The following BCAS3 variants were observed in gnomAD, a reference collection of about 807,000 sequenced individuals.
The protein encoded by BCAS3 is BCAS4/BCAS3 fusion.
Under a neutral mutation model 116.1 loss-of-function variants are expected in BCAS3, and 53 were observed. That is an observed-to-expected ratio of 0.46 (90% CI 0.37 to 0.57). The LOEUF (loss-of-function observed/expected upper bound fraction) is 0.57, where lower values mean the gene tolerates loss of function less well. Among genes scored for constraint, BCAS3 ranks in the 20% least tolerant of loss-of-function variants. The probability of loss-of-function intolerance (pLI) is 0.00; values close to 1 mark genes in which losing one functional copy is unlikely to be tolerated. For missense variants in BCAS3, 917 were observed against 1,165.4 expected, an observed-to-expected ratio of 0.79 and a Z score of 3.10; for synonymous variants, 391 against 408.2, an observed-to-expected ratio of 0.96 and a Z score of 0.51.
chr17:61,386,451 G>A, intron 23 of BCAS3, among the ~76,000 whole-genome samples: 1 of 152,232 alleles, frequency 6.6e-6, no homozygotes, highest in Non-Finnish European at 1.5e-5. Context: ...GTGGAGAAAT[G>A]CAGCCAGGGC....
intron 12 of BCAS3, among the ~76,000 whole-genome samples, chr17:60,918,544 G>C (rs1195382186): frequency 6.6e-6 from 1 of 151,994 alleles, no homozygotes; most frequent in African/African-American, 2.4e-5. Flanking sequence ...CCTTTGATCT[G>C]AGTGTACATT....
In BCAS3 at chr17:61,244,455, CAACAAA is replaced by C. The variant is rs1240799388; in HGVS notation, c.2426-123869_2426-123864del. 4.6e-5 allele frequency among the ~76,000 whole-genome samples: 7 copies of C among 152,008 alleles called. No homozygotes were observed. Among genetic ancestry groups the C allele is most frequent in the East Asian group, 1.9e-4 (1 of 5,182 alleles). ...GTTTGGAAACAGGGTGACTAGAAGTCAACAAAAATATGTGTTACAAAAGAATAACAA... is the reference window on the plus strand; with the variant it reads ...GTTTGGAAACAGGGTGACTAGAAGTCAATATGTGTTACAAAAGAATAACAA... On this transcript the variant is annotated intron_variant, in intron 22 of 23. Coordinates refer to ENST00000407086, the MANE Select transcript of BCAS3 (RefSeq NM_017679.5). The surrounding 1 kb of genome is among the most constrained non-coding windows in gnomAD (Gnocchi z 4.9).
intron 7 of BCAS3, among the ~76,000 whole-genome samples, chr17:60,829,188 GATGTA>G (rs1466219870): frequency 3.9e-5 from 6 of 152,124 alleles, no homozygotes; most frequent in African/African-American, 7.2e-5. Context: ...ATAGTATGAT[GATGTA>G]ATGTATAACA....
chr17:60,769,687 G>T (rs2044465117), intron 6 of BCAS3, among the ~76,000 whole-genome samples: 1 of 152,222 alleles, frequency 6.6e-6, no homozygotes, highest in Admixed American at 6.5e-5. Context: ...TCCTTGGCGT[G>T]TGTGAAGGTG....
rs1239569774 is a variant in BCAS3, at chr17:61,180,948, T to A, written c.2425+96384T>A. Among the ~76,000 whole-genome samples, 1 of 152,178 alleles carries A rather than the reference T, an allele frequency of 6.6e-6. No individual in the cohort carries two copies. The highest frequency in any genetic ancestry group is 1.5e-5 in the Non-Finnish European group (1 of 68,030). On this transcript the variant is annotated intron_variant, in intron 22 of 23. Transcript: ENST00000407086. The surrounding 1 kb of genome is among the most constrained non-coding windows in gnomAD (Gnocchi z 6.0). The stretch of plus-strand genomic sequence containing the variant: ...AAAAAGGATCTAAGGTCAGGCACGA[T>A]GGCTCACACCTGTAATCTTAGCACT...
Position 61,088,690 on chromosome 17 carries a change from A to G in BCAS3, c.2425+4126A>G, listed in dbSNP as rs2073283233. ...TGAGTCATCAAATCAAAGAGCCTAG[A>G]AAGATCTGGTTCACCCCTGAGTTTG... is the stretch of plus-strand genomic sequence containing the variant. On this transcript the variant is annotated intron_variant, in intron 22 of 23. Transcript: ENST00000407086. The surrounding 1 kb of genome is among the most constrained non-coding windows in gnomAD (Gnocchi z 4.2). Among the ~76,000 whole-genome samples, 1 of 152,242 alleles carries G rather than the reference A, an allele frequency of 6.6e-6. No homozygotes were observed.
At position 61,136,312 on chromosome 17, in the gene BCAS3, C is replaced by T. The variant is rs1433916995; in HGVS notation, c.2425+51748C>T. On this transcript the variant is annotated intron_variant, in intron 22 of 23. Coordinates refer to ENST00000407086, the MANE Select transcript of BCAS3 (RefSeq NM_017679.5). This position sits in a 1 kb window ranked among gnomAD's most constrained non-coding sequence, Gnocchi z 4.4. Reference sequence around the variant, plus strand: ...CATAGCTTTGTTTCCACCTTGCATTCACCCACTAGACAGTAAGCTTTTTCA... The same window carrying T: ...CATAGCTTTGTTTCCACCTTGCATTTACCCACTAGACAGTAAGCTTTTTCA... 6.6e-6 allele frequency among the ~76,000 whole-genome samples: 1 copy of T among 152,222 alleles called. No individual in the cohort carries two copies. The highest frequency in any genetic ancestry group is 1.5e-5 in the Non-Finnish European group (1 of 68,046).
intron 22 of BCAS3, among the ~76,000 whole-genome samples, chr17:61,143,163 T>C (rs2143948646): frequency 6.6e-6 from 1 of 152,324 alleles, no homozygotes. Context: ...TGAACTCAAC[T>C]TGCTTGCATT....
At position 61,278,167 on chromosome 17, in the gene BCAS3, C is replaced by T. The variant is rs4277403; in HGVS notation, c.2426-90160C>T. On this transcript the variant is annotated intron_variant, in intron 22 of 23. Coordinates refer to ENST00000407086, the MANE Select transcript of BCAS3 (RefSeq NM_017679.5). The surrounding 1 kb of genome is among the most constrained non-coding windows in gnomAD (Gnocchi z 5.8). ...AAGCAATTCTCCTGCCTCAGCCTCC[C>T]GAGTAGCTGGGATTACAGACACATG... is the stretch of plus-strand genomic sequence containing the variant. Among the ~76,000 whole-genome samples, 114 of 152,212 alleles carry T rather than the reference C, an allele frequency of 7.5e-4. No homozygotes were observed. The highest frequency in any genetic ancestry group is 2.4e-3 in the African/African-American group (98 of 41,522).
chr17:60,780,131 C>T (rs2045675595), intron 6 of BCAS3, among the ~76,000 whole-genome samples: 1 of 151,536 alleles, frequency 6.6e-6, no homozygotes. Flanking sequence ...GCTGGGACTA[C>T]AGGCACGTGC....
chr17:61,273,515 T>C (rs1253151379), intron 22 of BCAS3, among the ~76,000 whole-genome samples: 2 of 152,198 alleles, frequency 1.3e-5, no homozygotes, highest in South Asian at 2.1e-4. Context: ...TTTCTCACCA[T>C]TTTGATGATG....
chr17:61,141,300 G>A lies in BCAS3; in HGVS notation c.2425+56736G>A, dbSNP rs148417806. Among the ~76,000 whole-genome samples the A allele has an allele frequency of 3.2e-3, 484 of 152,264 alleles. 3 individuals carry two copies. The highest frequency in any genetic ancestry group is 0.011 in the African/African-American group (467 of 41,552). On this transcript the variant is annotated intron_variant, in intron 22 of 23. Coordinates refer to ENST00000407086, the MANE Select transcript of BCAS3 (RefSeq NM_017679.5). This position sits in a 1 kb window ranked among gnomAD's most constrained non-coding sequence, Gnocchi z 4.3. Reference sequence around the variant, plus strand: ...AGGCTGGGCATGGGGGTTCATTCCTGTAATCCCAGCATGTTGGGAGGCCAA... The same window carrying A: ...AGGCTGGGCATGGGGGTTCATTCCTATAATCCCAGCATGTTGGGAGGCCAA...
intron 15 of BCAS3, among the ~76,000 whole-genome samples, chr17:61,014,137 T>C (rs1700138442): frequency 6.6e-6 from 1 of 152,128 alleles, no homozygotes; most frequent in Admixed American, 6.6e-5. Flanking sequence ...TATCTATTGC[T>C]AACCACATAA....
intron 6 of BCAS3, among the ~76,000 whole-genome samples, chr17:60,789,925 AT>A (rs1231604624): frequency 6.6e-6 from 1 of 152,110 alleles, no homozygotes; most frequent in African/African-American, 2.4e-5. Context: ...ATTTTGTTAC[AT>A]TGTTTTCTAA....
In BCAS3 at chr17:61,345,741, G is replaced by T. The variant is rs912402515; in HGVS notation, c.2426-22586G>T. ...AGTGAGGGTGTTAGAGGACCTATGAGCCCCAAACACGGGGATGGGCAGTGA... is the reference window on the plus strand; with the variant it reads ...AGTGAGGGTGTTAGAGGACCTATGATCCCCAAACACGGGGATGGGCAGTGA... On this transcript the variant is annotated intron_variant, in intron 22 of 23. Transcript: ENST00000407086. 3.9e-5 allele frequency among the ~76,000 whole-genome samples: 6 copies of T among 152,216 alleles called. No homozygotes were observed. In the South Asian group the frequency reaches 6.2e-4, roughly 16 times the overall value.
chr17:60,910,461 A>G (rs1390924917), intron 11 of BCAS3, 71 bp from the exon 12 acceptor site: 3 of 1,243,862 alleles, frequency 2.4e-6, no homozygotes, highest in Non-Finnish European at 3.2e-6. Context: ...AGGAAAATTA[A>G]TAAAATGCGT....
At chr17:61,043,562 G>C (rs1226279093) in intron 19 of BCAS3, among the ~76,000 whole-genome samples, 1 of 151,950 alleles carries the variant, frequency 6.6e-6, no homozygotes, top group Non-Finnish European at 1.5e-5. Flanking sequence ...ATGTCTGTGT[G>C]GGTTTTCAGT....
At chr17:60,902,495 C>T (rs2057959969) in intron 10 of BCAS3, 125 bp from the exon 11 acceptor site, 1 of 756,870 alleles carries the variant, frequency 1.3e-6, no homozygotes, top group Admixed American at 2.2e-5. Flanking sequence ...CTGAAATACA[C>T]TCATGCAAAC....
At chr17:60,751,636 G>A (rs1598449927) in intron 6 of BCAS3, among the ~76,000 whole-genome samples, 1 of 150,890 alleles carries the variant, frequency 6.6e-6, no homozygotes, top group East Asian at 1.9e-4. Flanking sequence ...TCCATCTTCT[G>A]GGTTTAAGCG....
Sources: gnomAD v4.1 joint callset for allele counts (sites outside exome capture counted in the v4.1 genomes callset) on GRCh38, gnomAD v4.1.1 for gene constraint, Gnocchi (gnomAD v3.1) non-coding constraint, MANE v1.5 for transcripts, NCBI Gene and HGNC (gene_info 2026-07-23, HGNC 2026-07-21) for gene names.